Variants in NAALADL2 observed in about 807,000 individuals in gnomAD.
The protein encoded by NAALADL2 is N-acetylated alpha-linked acidic dipeptidase like 2.
In NAALADL2, 76 loss-of-function variants were observed where a neutral mutation model predicts 87.2. The ratio of observed to expected loss-of-function variants is 0.87; its 90% CI spans 0.72 to 1.05. The LOEUF (loss-of-function observed/expected upper bound fraction) is 1.05. NAALADL2 is among the 50% of genes least tolerant of loss of function. The pLI is 0.00. For synonymous variants in NAALADL2, 354 were observed against 331.0 expected, an observed-to-expected ratio of 1.07 and a Z score of -0.75; for missense variants, 1,089 against 945.8, an observed-to-expected ratio of 1.15 and a Z score of -1.99.
At chr3:174,674,784 T>C (rs1726893000) in intron 2 of NAALADL2, among the ~76,000 whole-genome samples, 1 of 152,064 alleles carries the variant, frequency 6.6e-6, no homozygotes, top group Non-Finnish European at 1.5e-5. Context: ...CTTTCTCTTC[T>C]CATCCCAGAA....
intron 9 of NAALADL2, among the ~76,000 whole-genome samples, chr3:175,557,494 C>T (rs1306521805): frequency 9.4e-6 from 1 of 106,048 alleles, no homozygotes; most frequent in East Asian, 2.8e-4. Context: ...AGGTCTTATT[C>T]ATTCTTTCTA....
At chr3:174,685,244 C>T (rs1449777513) in intron 2 of NAALADL2, among the ~76,000 whole-genome samples, 1 of 152,104 alleles carries the variant, frequency 6.6e-6, no homozygotes. Flanking sequence ...GGTCTTCCTT[C>T]AGTTCTTTGC....
intron 2 of NAALADL2, among the ~76,000 whole-genome samples, chr3:174,687,020 C>G (rs769742106): frequency 2.4e-4 from 36 of 152,036 alleles, no homozygotes; most frequent in Admixed American, 1.8e-3. Flanking sequence ...CTGCCCCAGT[C>G]TGTCTTATGG....
chr3:175,655,321 C>G lies in NAALADL2; in HGVS notation c.1896+27935C>G, dbSNP rs73881338. On this transcript the variant is annotated intron_variant, in intron 11 of 13. Coordinates refer to ENST00000454872, the MANE Select transcript of NAALADL2 (RefSeq NM_207015.3). ...TTTCATGCATTATTGACATAAATAA[C>G]TTTTTCTTAATTTTCTTGCTATTTC... Among the ~76,000 whole-genome samples the G allele has an allele frequency of 3.2e-3, 482 of 152,088 alleles. 4 individuals are homozygous for G. Among genetic ancestry groups the G allele is most frequent in the African/African-American group, 0.011 (447 of 41,504 alleles).
At chr3:175,100,262 A>G (rs1407183158) in intron 2 of NAALADL2, among the ~76,000 whole-genome samples, 1 of 152,120 alleles carries the variant, frequency 6.6e-6, no homozygotes, top group East Asian at 1.9e-4. Flanking sequence ...GGCCCCAGAG[A>G]TGATTATCCA....
At chr3:175,523,779 A>C (rs1733006281) in intron 9 of NAALADL2, among the ~76,000 whole-genome samples, 1 of 152,206 alleles carries the variant, frequency 6.6e-6, no homozygotes, top group Admixed American at 6.5e-5. Flanking sequence ...TTGGCAGGAA[A>C]AATGGTTATG....
intron 4 of NAALADL2, among the ~76,000 whole-genome samples, chr3:175,267,983 T>C (rs781086103): frequency 6.6e-6 from 1 of 152,230 alleles, no homozygotes; most frequent in African/African-American, 2.4e-5. Context: ...ATATTGTTAT[T>C]GTTTTGTAAC....
intron 13 of NAALADL2, among the ~76,000 whole-genome samples, chr3:175,789,891 C>T (rs1016497341): frequency 3.9e-5 from 6 of 152,120 alleles, no homozygotes; most frequent in Middle Eastern, 3.4e-3. Flanking sequence ...TAAAAAAATA[C>T]AAATGCATTT....
At position 175,593,769 on chromosome 3, in the gene NAALADL2, T is replaced by C. The variant is rs1032915123; in HGVS notation, c.1800+17582T>C. Among the ~76,000 whole-genome samples the C allele has an allele frequency of 6.8e-5, 5 of 73,192 alleles. No homozygotes were observed. The Admixed American group carries it at 7.5e-4, about 11-fold the overall frequency. 48.0% of individuals were successfully genotyped at this position (73,192 alleles called of 152,430 possible). A position where few individuals can be genotyped will look rare whatever the true frequency, so the allele number is the denominator to read the frequency against. On this transcript the variant is annotated intron_variant, in intron 10 of 13. Transcript: ENST00000454872. ...AGGATGCAGTCATATTAGGGCCCAC[T>C]CTCAAAAAAAAAACCTCCCGTTAAC...
At chr3:174,919,137 GA>G (rs1340180616) in intron 1 of NAALADL2, among the ~76,000 whole-genome samples, 1 of 152,026 alleles carries the variant, frequency 6.6e-6, no homozygotes, top group African/African-American at 2.4e-5. Context: ...GCAGATGGGG[GA>G]TCTGGCCTTG....
chr3:175,389,446 A>C (rs1339398933), intron 5 of NAALADL2, among the ~76,000 whole-genome samples: 5 of 152,170 alleles, frequency 3.3e-5, no homozygotes, highest in Non-Finnish European at 7.3e-5. Flanking sequence ...TTATCTTATC[A>C]ATATAAGCAC....
At chr3:175,026,364 A>G (rs917501155) in intron 1 of NAALADL2, among the ~76,000 whole-genome samples, 4 of 151,586 alleles carry the variant, frequency 2.6e-5, no homozygotes, top group Admixed American at 2.0e-4. Context: ...TAAAAAGTTC[A>G]GGCTGGGCAT....
intron 9 of NAALADL2, among the ~76,000 whole-genome samples, chr3:175,557,416 T>C (rs11915120): frequency 0.022 from 3,358 of 152,266 alleles, 109 homozygotes; most frequent in African/African-American, 0.076. Flanking sequence ...TTAAACTCTT[T>C]TAGTTATTAT....
rs148443187 is a variant in NAALADL2, at chr3:175,626,627, T to C, written c.1801-664T>C. The stretch of plus-strand genomic sequence containing the variant: ...CGTAATCTTATTGTATTTCCTTGCT[T>C]TCTTTCCTGTATTGATTATTTATTC... On this transcript the variant is annotated intron_variant, in intron 10 of 13. Coordinates refer to ENST00000454872, the MANE Select transcript of NAALADL2 (RefSeq NM_207015.3). Among the ~76,000 whole-genome samples, 107 of 151,986 alleles carry C rather than the reference T, an allele frequency of 7.0e-4. 1 individual carries two copies. The highest frequency in any genetic ancestry group is 1.3e-3 in the Non-Finnish European group (90 of 67,832).
rs188143876 is a variant in NAALADL2 at position 174,629,286 on chromosome 3, C to T, written c.-115+78649C>T. Among the ~76,000 whole-genome samples the T allele has an allele frequency of 5.9e-5, 9 of 152,246 alleles. No homozygotes were observed. In the East Asian group the frequency reaches 1.4e-3, roughly 23 times the overall value. On this transcript the variant is annotated intron_variant, in intron 2 of 3. Transcript: ENST00000434257. ...TAGTTGATTAATTCGAGGGGTATGA[C>T]ATTTAGTTACCATGCCCTTATGATG...
intron 10 of NAALADL2, among the ~76,000 whole-genome samples, chr3:175,610,736 T>C (rs1582618512): frequency 6.6e-6 from 1 of 152,234 alleles, no homozygotes; most frequent in East Asian, 1.9e-4. Context: ...TATCAGTGTA[T>C]CTGAAGAAAT....
At chr3:175,784,346 G>T (rs927089031) in intron 13 of NAALADL2, among the ~76,000 whole-genome samples, 1 of 151,916 alleles carries the variant, frequency 6.6e-6, no homozygotes, top group African/African-American at 2.4e-5. Context: ...ACTATTTTTG[G>T]TTGGTAAACT....
intron 1 of NAALADL2, chr3:175,079,514 C>T (rs1005392465): frequency 1.3e-5 from 2 of 152,178 alleles, no homozygotes; most frequent in East Asian, 3.9e-4. Flanking sequence ...AAAAAGTATG[C>T]TAGGTCTTAA....
intron 5 of NAALADL2, among the ~76,000 whole-genome samples, chr3:175,410,342 A>T (rs911060500): frequency 6.6e-6 from 1 of 152,168 alleles, no homozygotes; most frequent in African/African-American, 2.4e-5. Flanking sequence ...TTTTGAAATG[A>T]TCTCTTAAGT....
Sources: allele counts gnomAD v4.1 joint callset (sites outside exome capture counted in the v4.1 genomes callset), GRCh38; gene constraint gnomAD v4.1.1; transcripts MANE v1.5; gene names NCBI Gene and HGNC (gene_info 2026-07-23, HGNC 2026-07-21).